SOS1: variants seen among roughly 807,000 people sequenced by gnomAD.
SOS1 encodes SOS Ras/Rac guanine nucleotide exchange factor 1, also known as son of sevenless homolog 1.
SOS1 carries 25 observed loss-of-function variants against 157.6 expected under a neutral mutation model. The ratio of observed to expected loss-of-function variants is 0.16; its 90% CI spans 0.12 to 0.22. The LOEUF (loss-of-function observed/expected upper bound fraction) is 0.22, where lower values mean the gene tolerates loss of function less well. SOS1 is among the 10% of genes least tolerant of loss of function. The pLI is 1.00. For synonymous variants in SOS1, 528 were observed against 534.0 expected (o/e 0.99, Z 0.16); for missense variants, 1,237 against 1,599.1 (o/e 0.77, Z 3.86).
intron 1 of SOS1, among the ~76,000 whole-genome samples, chr2:39,099,464 G>C (rs1223381975): frequency 6.6e-6 from 1 of 152,168 alleles, no homozygotes; most frequent in Non-Finnish European, 1.5e-5. Context: ...GATGGCTAAA[G>C]GGTATGGAGT....
chr2:39,092,157 T>C (rs1022821652), intron 1 of SOS1, among the ~76,000 whole-genome samples: 2 of 152,176 alleles, frequency 1.3e-5, no homozygotes, highest in African/African-American at 4.8e-5. Flanking sequence ...GTAATTTTTC[T>C]CACTCTTCTT....
chr2:39,035,586 C>A, intron 6 of SOS1, 86 bp from the exon 7 acceptor site: 4 of 930,864 alleles, frequency 4.3e-6, no homozygotes, highest in Non-Finnish European at 7.0e-6. Context: ...TATGCGAGCA[C>A]AATTATGTAT....
chr2:39,048,112 T>C (rs1272963858), intron 6 of SOS1, among the ~76,000 whole-genome samples: 4 of 152,252 alleles, frequency 2.6e-5, no homozygotes, highest in African/African-American at 9.6e-5. Context: ...GAAGTCCAGT[T>C]TATCAATTTT....
Position 38,995,494 on chromosome 2 carries a change from A to T in SOS1, c.3082-107T>A. ...CAGCTAATATACAGGAAAATCATAA[A>T]TCACTAATAAGGACATAATTATTCA... On this transcript the variant is annotated intron_variant, in intron 19 of 22. Coordinates refer to ENST00000402219, the MANE Select transcript of SOS1 (RefSeq NM_005633.4). The T allele has an allele frequency of 4.8e-6, 4 of 825,370 alleles. No individual in the cohort carries two copies. The South Asian group carries it at 5.7e-5, about 12-fold the overall frequency. 51.1% of individuals were successfully genotyped at this position (825,370 alleles called of 1,614,324 possible).
chr2:39,067,577 A>G, intron 2 of SOS1, 51 bp downstream of exon 2: 1 of 1,551,294 alleles, frequency 6.4e-7, no homozygotes, highest in East Asian at 2.2e-5. Context: ...TGACATTACA[A>G]CCAACACACA....
chr2:39,113,819 G>A (rs1673533679), intron 1 of SOS1, among the ~76,000 whole-genome samples: 1 of 152,140 alleles, frequency 6.6e-6, no homozygotes. Flanking sequence ...CAAGCAAGAA[G>A]CAAAAATGTC....
rs149243783 is a variant in SOS1, at chr2:39,003,323, G to C, written c.2791+3089C>G. ...ATGAAATGAAGCAATTCTGTAGCAA[G>C]AAGGATGCTTTCTTAAAAGGATAAA... On this transcript the variant is annotated intron_variant, in intron 17 of 22. Coordinates refer to ENST00000402219, the MANE Select transcript of SOS1 (RefSeq NM_005633.4). Among the ~76,000 whole-genome samples, 631 of 152,256 alleles carry C rather than the reference G, an allele frequency of 4.1e-3. 8 individuals are homozygous for C. Among genetic ancestry groups the C allele is most frequent in the African/African-American group, 0.014 (598 of 41,562 alleles).
At chr2:39,113,656 A>G (rs556655998) in intron 1 of SOS1, among the ~76,000 whole-genome samples, 1 of 152,338 alleles carries the variant, frequency 6.6e-6, no homozygotes, top group South Asian at 2.1e-4. Flanking sequence ...CCGTAATAGT[A>G]TCCTATGAGA....
At chr2:39,053,239 C>G (rs531868095) in intron 5 of SOS1, among the ~76,000 whole-genome samples, 1 of 152,082 alleles carries the variant, frequency 6.6e-6, no homozygotes, top group African/African-American at 2.4e-5. Flanking sequence ...TTTTATATTC[C>G]CACAAGTAGT....
At chr2:39,056,608 A>G (rs1000151584) in intron 4 of SOS1, 94 bp downstream of exon 4, 2 of 832,166 alleles carry the variant, frequency 2.4e-6, no homozygotes, top group African/African-American at 1.7e-5. Flanking sequence ...TCCCCAACAC[A>G]TAATACAATT....
At chr2:39,123,431 CACT>C (rs1211654141), upstream of SOS1, among the ~76,000 whole-genome samples, 1 of 151,524 alleles carries the variant, frequency 6.6e-6, no homozygotes, top group Non-Finnish European at 1.5e-5. Context: ...AATCTTGGCT[CACT>C]ACAACCTCCA....
intron 6 of SOS1, among the ~76,000 whole-genome samples, chr2:39,040,715 C>T (rs964925985): frequency 4.7e-4 from 71 of 151,958 alleles, no homozygotes; most frequent in African/African-American, 1.7e-3. Context: ...ATGTATTTAC[C>T]ATATACATTT....
At chr2:39,117,411 G>C (rs998839769) in intron 1 of SOS1, among the ~76,000 whole-genome samples, 1 of 152,148 alleles carries the variant, frequency 6.6e-6, no homozygotes, top group Non-Finnish European at 1.5e-5. Context: ...AGATAAGATA[G>C]GACTTAGACT....
At chr2:39,088,127 T>C (rs1446362488) in intron 1 of SOS1, among the ~76,000 whole-genome samples, 1 of 105,628 alleles carries the variant, frequency 9.5e-6, no homozygotes, top group Non-Finnish European at 2.0e-5. Flanking sequence ...TAAATTTCTC[T>C]TTAAAGATAA....
rs1034733063 is a variant in SOS1 at position 38,982,074 on chromosome 2, A to T, written c.*3750T>A. The T allele has an allele frequency of 6.6e-6, 1 of 152,148 alleles. No homozygotes were observed. Among genetic ancestry groups the T allele is most frequent in the African/African-American group, 2.4e-5 (1 of 41,446 alleles). The allele number at this position is 152,148 out of a possible 1,614,324, so 9.4% of individuals were successfully genotyped here. A position where few individuals can be genotyped will look rare whatever the true frequency, so the allele number is the denominator to read the frequency against. On this transcript the variant is annotated 3_prime_UTR_variant, in exon 23 of 23. Coordinates refer to ENST00000402219, the MANE Select transcript of SOS1 (RefSeq NM_005633.4). ...ATGTACCTTCCATCATCTGTTATGC[A>T]TCTTGTTTCTTTGAGTGGTAGTCCA...
At chr2:39,041,896 ACTTT>A (rs1670585379) in intron 6 of SOS1, among the ~76,000 whole-genome samples, 1 of 152,174 alleles carries the variant, frequency 6.6e-6, no homozygotes, top group Non-Finnish European at 1.5e-5. Context: ...TCTGTTGAGT[ACTTT>A]CTGTGAATTA....
chr2:39,007,759 T>G (rs1669327337), intron 15 of SOS1, among the ~76,000 whole-genome samples: 1 of 152,162 alleles, frequency 6.6e-6, no homozygotes, highest in African/African-American at 2.4e-5. Flanking sequence ...GGACTTGTGG[T>G]ATGATAGTAT....
chr2:39,114,631 G>C (rs1357354020), intron 1 of SOS1, among the ~76,000 whole-genome samples: 1 of 151,932 alleles, frequency 6.6e-6, no homozygotes, highest in East Asian at 1.9e-4. Context: ...TTGAAACAGA[G>C]TCTAGCTCTG....
chr2:39,009,484 A>G (rs1408537694), intron 15 of SOS1, among the ~76,000 whole-genome samples: 1 of 152,214 alleles, frequency 6.6e-6, no homozygotes, highest in Admixed American at 6.5e-5. Flanking sequence ...GACATTTTGT[A>G]AATGCGTATT....
Sources: gnomAD v4.1 joint callset for allele counts (sites outside exome capture counted in the v4.1 genomes callset) on GRCh38, gnomAD v4.1.1 for gene constraint, MANE v1.5 for transcripts, NCBI Gene and HGNC (gene_info 2026-07-23, HGNC 2026-07-21) for gene names.